Variants in PLAAT2 observed in about 807,000 individuals in gnomAD.
PLAAT2 encodes the protein HRAS like suppressor 2.
Under a neutral mutation model 12.8 loss-of-function variants are expected in PLAAT2, and 12 were observed. The observed-to-expected ratio is 0.94, with a 90% CI of 0.60 to 1.52. PLAAT2 has a LOEUF of 1.52. Among genes scored for constraint, PLAAT2 ranks in the 40% most tolerant of loss-of-function variants. The pLI is 0.00. For missense variants in PLAAT2, 166 were observed against 208.1 expected (o/e 0.80, Z 1.24); for synonymous variants, 79 against 86.8 (o/e 0.91, Z 0.50).
intron 3 of PLAAT2, among the ~76,000 whole-genome samples, chr11:63,554,938 C>G (rs1380373524): frequency 1.3e-5 from 2 of 152,228 alleles, no homozygotes; most frequent in South Asian, 2.1e-4. Context: ...TTGATTCAGT[C>G]TCTACTGACA....
Position 63,552,826 on chromosome 11 carries a change from T to A in PLAAT2, c.*138A>T. 1.6e-6 allele frequency: 1 copy of A among 626,640 alleles called. No individual in the cohort carries two copies. The highest frequency in any genetic ancestry group is 2.9e-6 in the Non-Finnish European group (1 of 350,142). 38.8% of individuals were successfully genotyped at this position (626,640 alleles called of 1,614,324 possible). On this transcript the variant is annotated 3_prime_UTR_variant, in exon 4 of 4. Transcript: ENST00000255695. Reference sequence around the variant, plus strand: ...ATACTAAGCTGCATTTCCAAATACATTTTCCTGTGCTTTTAACTCCATTAA... The same window carrying A: ...ATACTAAGCTGCATTTCCAAATACAATTTCCTGTGCTTTTAACTCCATTAA...
At chr11:63,556,828 A>T (rs2134370216) in intron 3 of PLAAT2, among the ~76,000 whole-genome samples, 1 of 152,312 alleles carries the variant, frequency 6.6e-6, no homozygotes, top group South Asian at 2.1e-4. Flanking sequence ...TTGCTCCTAA[A>T]CAAAGAGGGC....
At position 63,558,455 on chromosome 11, in the gene PLAAT2, C is replaced by T. The variant is rs750975860; in HGVS notation, c.324G>A (p.Leu108=). 8 of 1,614,208 alleles carry T rather than the reference C, an allele frequency of 5.0e-6. No individual in the cohort carries two copies. In the Admixed American group the frequency reaches 1.2e-4, roughly 24 times the overall value. Reference sequence around the variant, plus strand: ...CGAAGTGCTCGCAGTTGTCACTGGTCAGCGAATAAGGCAACTCCTGCCCCA... The same window carrying T: ...CGAAGTGCTCGCAGTTGTCACTGGTTAGCGAATAAGGCAACTCCTGCCCCA... ...ELVGQELPYS[L]TSDNCEHFVN... is the part of the protein sequence containing the mutation. Residue 108 remains leucine, a synonymous_variant, in exon 3 of 4, where the codon CTG becomes CTA. Coordinates refer to ENST00000255695, the MANE Select transcript of PLAAT2 (RefSeq NM_017878.2).
At chr11:63,557,232 G>T (rs1276364969) in intron 3 of PLAAT2, among the ~76,000 whole-genome samples, 3 of 152,138 alleles carry the variant, frequency 2.0e-5, no homozygotes, top group South Asian at 2.1e-4. Flanking sequence ...GGGATATGTG[G>T]TTTTTTAAGT....
Position 63,552,979 on chromosome 11 carries a change from CT to C in PLAAT2, c.473del (p.Lys158SerfsTer40). 6.2e-7 allele frequency: 1 copy of C among 1,613,492 alleles called. No individual in the cohort carries two copies. The highest frequency in any genetic ancestry group is 8.5e-7 in the Non-Finnish European group (1 of 1,179,502). ...TTTCTTGGATTTATTGCCTTTCCCG[CT>C]TGCTTCTGGCCAGCAGGATCCCCAC... is the stretch of plus-strand genomic sequence containing the variant. The part of the protein sequence containing the change: ...SLVGILLARS[K>X]RERQ On this transcript the variant is annotated frameshift_variant, in exon 4 of 4. Coordinates refer to ENST00000255695, the MANE Select transcript of PLAAT2 (RefSeq NM_017878.2). LOFTEE classifies it high-confidence loss of function.
intron 2 of PLAAT2, 63 bp downstream of exon 2, chr11:63,560,015 GCACGTAA>G (rs1186671198): frequency 1.9e-6 from 2 of 1,051,564 alleles, no homozygotes; most frequent in Non-Finnish European, 2.9e-6. Flanking sequence ...GTGAGGACAA[GCACGTAA>G]CTGTGCATCT....
Position 63,558,435 on chromosome 11 carries a change from T to G in PLAAT2, c.344A>C (p.His115Pro). ...PYSLTSDNCEHFVNHLRYGVS... is the reference protein window; with the variant it reads ...PYSLTSDNCEPFVNHLRYGVS... ...GCCATAGCGCAGATGGTTCACGAAG[T>G]GCTCGCAGTTGTCACTGGTCAGCGA... Residue 115 changes from histidine (H) to proline (P), a missense_variant, in exon 3 of 4, where the codon CAC becomes CCC. Transcript: ENST00000255695. The G allele has an allele frequency of 6.2e-7, 1 of 1,614,236 alleles. No homozygotes were observed. The highest frequency in any genetic ancestry group is 1.1e-5 in the South Asian group (1 of 91,088).
intron 3 of PLAAT2, among the ~76,000 whole-genome samples, chr11:63,556,165 GAGAC>G (rs980264801): frequency 6.6e-6 from 1 of 152,188 alleles, no homozygotes; most frequent in African/African-American, 2.4e-5. Flanking sequence ...GCAAGAGCTA[GAGAC>G]AGACAGAGGA....
At chr11:63,560,443 C>A (rs1308080626) in intron 1 of PLAAT2, among the ~76,000 whole-genome samples, 1 of 152,200 alleles carries the variant, frequency 6.6e-6, no homozygotes, top group Non-Finnish European at 1.5e-5. Flanking sequence ...GATTTTCATG[C>A]ATGTGCAGCA....
At chr11:63,560,239 G>T in intron 1 of PLAAT2, 46 bp from the exon 2 acceptor site, 2 of 1,465,572 alleles carry the variant, frequency 1.4e-6, no homozygotes, top group Non-Finnish European at 1.9e-6. Flanking sequence ...CCATCTGCAG[G>T]AAACATTCTA....
chr11:63,554,052 C>T (rs1415925593), intron 3 of PLAAT2, among the ~76,000 whole-genome samples: 2 of 151,762 alleles, frequency 1.3e-5, no homozygotes, highest in South Asian at 2.1e-4. Flanking sequence ...TTGGTGTGCT[C>T]GGCACAGCTT....
intron 3 of PLAAT2, among the ~76,000 whole-genome samples, chr11:63,557,676 T>C (rs962102431): frequency 6.6e-6 from 1 of 152,224 alleles, no homozygotes; most frequent in Non-Finnish European, 1.5e-5. Flanking sequence ...TTATATATTG[T>C]CTGTGGCTGC....
chr11:63,563,105 T>A (rs945971207), intron 1 of PLAAT2, among the ~76,000 whole-genome samples: 1 of 152,146 alleles, frequency 6.6e-6, no homozygotes, highest in African/African-American at 2.4e-5. Flanking sequence ...CCAGACCCCA[T>A]GCGGCAGCTG....
At chr11:63,555,760 C>T (rs1213334287) in intron 3 of PLAAT2, among the ~76,000 whole-genome samples, 1 of 152,144 alleles carries the variant, frequency 6.6e-6, no homozygotes, top group Non-Finnish European at 1.5e-5. Context: ...AAATATCATA[C>T]CATTTTATAC....
At chr11:63,554,444 C>T (rs569779510) in intron 3 of PLAAT2, among the ~76,000 whole-genome samples, 101 of 151,806 alleles carry the variant, frequency 6.7e-4, no homozygotes, top group African/African-American at 2.3e-3. Context: ...CCAGCCTGGC[C>T]AACATGGTGA....
Position 63,560,085 on chromosome 11 carries a change from T to C in PLAAT2, c.118A>G (p.Ser40Gly), listed in dbSNP as rs2017503961. 6.2e-7 allele frequency: 1 copy of C among 1,602,114 alleles called. No homozygotes were observed. Among genetic ancestry groups the C allele is most frequent in the South Asian group, 1.1e-5 (1 of 90,452 alleles). ...GCTTAAAAAGAGAACCCATCCTTAC[T>C]TGCCGGAGCCAGATGGACCACATAG... ...DGYVVHLAPA[S>G]EIAGAGAASV... Residue 40 changes from serine (S) to glycine (G), a missense_variant and splice_region_variant, in exon 2 of 4, where the codon AGT becomes GGT. Ser to Gly is a moderately conservative substitution (Grantham distance 56, BLOSUM62 0). Transcript: ENST00000255695.
At chr11:63,554,840 A>T (rs994135801) in intron 3 of PLAAT2, among the ~76,000 whole-genome samples, 3 of 152,216 alleles carry the variant, frequency 2.0e-5, no homozygotes, top group Admixed American at 2.0e-4. Flanking sequence ...GGGGGAAAAA[A>T]AACCATTTTA....
intron 3 of PLAAT2, among the ~76,000 whole-genome samples, chr11:63,554,094 C>A (rs1365082335): frequency 6.7e-6 from 1 of 149,118 alleles, no homozygotes; most frequent in East Asian, 2.0e-4. Context: ...CTGCTGCGAT[C>A]CTGTGGGTCT....
chr11:63,563,265 AG>A, intron 1 of PLAAT2, 50 bp downstream of exon 1: 1 of 1,608,748 alleles, frequency 6.2e-7, no homozygotes, highest in South Asian at 1.1e-5. Context: ...CATCACTAAT[AG>A]GGTGGTTGTT....
Sources: allele counts gnomAD v4.1 joint callset (sites outside exome capture counted in the v4.1 genomes callset), GRCh38; gene constraint gnomAD v4.1.1; transcripts MANE v1.5; gene names NCBI Gene and HGNC (gene_info 2026-07-23, HGNC 2026-07-21).